Variants in UCHL1 observed in about 807,000 individuals in gnomAD.
UCHL1 encodes ubiquitin carboxyl-terminal hydrolase isozyme L1.
A neutral mutation model predicts 33.3 loss-of-function variants in UCHL1; 5 were observed. That is an observed-to-expected ratio of 0.15 (90% CI 0.08 to 0.32). UCHL1 has a LOEUF of 0.32. UCHL1 is among the 10% of genes least tolerant of loss of function. The probability of loss-of-function intolerance (pLI) is 1.00; values close to 1 mark genes in which losing one functional copy is unlikely to be tolerated. For missense variants in UCHL1, 236 were observed against 280.0 expected (o/e 0.84, Z 1.12); for synonymous variants, 132 against 108.8 (o/e 1.21, Z -1.33).
chr4:41,263,775 TCCTCCTCTCG>T (rs1035247365), intron 7 of UCHL1, among the ~76,000 whole-genome samples: 6 of 152,170 alleles, frequency 3.9e-5, no homozygotes, highest in Admixed American at 3.9e-4. Flanking sequence ...CTCAGGCGTC[TCCTCCTCTCG>T]CCTCCATCTT....
chr4:41,263,125 C>T lies in UCHL1; in HGVS notation c.460-100C>T, dbSNP rs976655755. On this transcript the variant is annotated intron_variant, in intron 6 of 8. Transcript: ENST00000284440. ...ATACATTAAATATTAGCTATAATTTCTAAAAATCAAGTCAGTTCAAGCACA... is the reference window on the plus strand; with the variant it reads ...ATACATTAAATATTAGCTATAATTTTTAAAAATCAAGTCAGTTCAAGCACA... 9.8e-6 allele frequency: 9 copies of T among 915,112 alleles called. No homozygotes were observed. In the African/African-American group the frequency reaches 1.1e-4, roughly 12 times the overall value. The allele number at this position is 915,112 out of a possible 1,614,324, so 56.7% of individuals were successfully genotyped here.
intron 2 of UCHL1, 153 bp downstream of exon 2, chr4:41,257,279 C>T (rs1780992200): frequency 2.4e-6 from 3 of 1,260,216 alleles, no homozygotes; most frequent in Non-Finnish European, 3.2e-6. Context: ...CTTTCCTGGG[C>T]CCCTGCATTT....
rs780627453 is a variant in UCHL1, at chr4:41,260,715, C to T, written c.243C>T (p.Phe81=). 16 of 1,614,222 alleles carry T rather than the reference C, an allele frequency of 9.9e-6. No individual in the cohort carries two copies. Among genetic ancestry groups the T allele is most frequent in the Non-Finnish European group, 1.3e-5 (15 of 1,180,032 alleles). Residue 81 remains phenylalanine, a synonymous_variant, in exon 4 of 9, where the codon TTC becomes TTT. Coordinates refer to ENST00000284440, the MANE Select transcript of UCHL1 (RefSeq NM_004181.5). Reference sequence around the variant, plus strand: ...AAGAAGTTAGTCCTAAAGTGTACTTCATGAAGCAGACCATTGGGAATTCCT... The same window carrying T: ...AAGAAGTTAGTCCTAAAGTGTACTTTATGAAGCAGACCATTGGGAATTCCT... ...KGQEVSPKVY[F]MKQTIGNSCG... is the part of the protein sequence containing the mutation.
At chr4:41,264,495 A>G (rs1051298507) in intron 8 of UCHL1, 1 of 398,922 alleles carries the variant, frequency 2.5e-6, no homozygotes, top group Non-Finnish European at 4.7e-6. Context: ...AAAGACTCAC[A>G]AAACAGCAGC....
intron 3 of UCHL1, among the ~76,000 whole-genome samples, chr4:41,259,817 A>G (rs544060682): frequency 6.6e-6 from 1 of 152,342 alleles, no homozygotes; most frequent in African/African-American, 2.4e-5. Context: ...GGTGCAAGCC[A>G]CTGACCCTGG....
At chr4:41,257,569 G>A (rs372937139) in intron 2 of UCHL1, 40 bp from the exon 3 acceptor site, 2 of 1,478,618 alleles carry the variant, frequency 1.4e-6, no homozygotes, top group Admixed American at 2.3e-5. Flanking sequence ...CGCGACCCGC[G>A]TGTCCCCGTG....
chr4:41,259,066 A>G (rs1781029447), intron 3 of UCHL1, among the ~76,000 whole-genome samples: 1 of 152,222 alleles, frequency 6.6e-6, no homozygotes, highest in Admixed American at 6.5e-5. Context: ...CTTTTGCTGA[A>G]TCTTGTTTAG....
rs367935445 is a variant in UCHL1 at position 41,256,960 on chromosome 4, C to G, written c.-17C>G. On this transcript the variant is annotated 5_prime_UTR_variant, in exon 1 of 9. Transcript: ENST00000284440. ...TTTCGTCTTCCCTAGGCTATTTCTG[C>G]CGGGCGCTCCGCGAAGATGCAGCTC... The G allele has an allele frequency of 5.6e-6, 9 of 1,614,140 alleles. No homozygotes were observed. In the East Asian group the frequency reaches 1.8e-4, roughly 32 times the overall value.
Position 41,261,721 on chromosome 4 carries a change from G to A in UCHL1, c.332G>A (p.Gly111Glu). Residue 111 changes from glycine (G) to glutamate (E), a missense_variant, in exon 5 of 9, where the codon GGA becomes GAA. Physicochemically the swap from Gly to Glu is moderately conservative, Grantham distance 98 (BLOSUM62 -2). Coordinates refer to ENST00000284440, the MANE Select transcript of UCHL1 (RefSeq NM_004181.5). The stretch of plus-strand genomic sequence containing the variant: ...CATCCATTTTTTTTTTAAGAGGATG[G>A]ATCAGTTCTGAAACAGTTTCTTTCT... ...NNQDKLGFED[G>E]SVLKQFLSET... 6.2e-7 allele frequency: 1 copy of A among 1,612,098 alleles called. No individual in the cohort carries two copies.
chr4:41,260,849 A>G (rs1212644945), intron 4 of UCHL1, 52 bp downstream of exon 4: 7 of 1,613,556 alleles, frequency 4.3e-6, no homozygotes, highest in Non-Finnish European at 5.1e-6. Flanking sequence ...TGAAACATGG[A>G]GTTCAGAAAC....
intron 3 of UCHL1, 99 bp from the exon 4 acceptor site, chr4:41,260,548 A>G: frequency 2.8e-6 from 4 of 1,432,412 alleles, no homozygotes; most frequent in Non-Finnish European, 3.9e-6. Context: ...CTGGTCACAC[A>G]TCCCACTGGT....
At chr4:41,257,778 C>G (rs1289082448) in intron 3 of UCHL1, 41 bp downstream of exon 3, 1 of 1,539,034 alleles carries the variant, frequency 6.5e-7, no homozygotes, top group Non-Finnish European at 8.7e-7. Context: ...GCCGGCAGTG[C>G]ACGCCGCTCC....
Position 41,266,356 on chromosome 4 carries a change from T to C in UCHL1, c.586-1631T>C, listed in dbSNP as rs1781154227. Among the ~76,000 whole-genome samples, 4 of 152,082 alleles carry C rather than the reference T, an allele frequency of 2.6e-5. No individual in the cohort carries two copies. In the South Asian group the frequency reaches 8.3e-4, roughly 31 times the overall value. Reference sequence around the variant, plus strand: ...AAGGCTGGTTCTATATGGTTAAGGATGTTTTAGGTTGTCTAAATGTCACAC... The same window carrying C: ...AAGGCTGGTTCTATATGGTTAAGGACGTTTTAGGTTGTCTAAATGTCACAC... On this transcript the variant is annotated intron_variant, in intron 8 of 8. Transcript: ENST00000284440.
In UCHL1 at chr4:41,268,131, A is replaced by AC. The variant is rs760542056; in HGVS notation, c.*65dup. ...TCTTCCCTTCAACATGAAAATATAT[A>AC]CCCCCCCATGCAGTCTAAAATGCTT... On this transcript the variant is annotated 3_prime_UTR_variant, in exon 9 of 9. Coordinates refer to ENST00000284440, the MANE Select transcript of UCHL1 (RefSeq NM_004181.5). 3.0e-5 allele frequency: 44 copies of AC among 1,482,416 alleles called. No individual in the cohort carries two copies. Among genetic ancestry groups the AC allele is most frequent in the East Asian group, 1.1e-4 (5 of 43,620 alleles). The allele number at this position is 1,482,416 out of a possible 1,614,324, so 91.8% of individuals were successfully genotyped here.
intron 7 of UCHL1, 124 bp downstream of exon 7, chr4:41,263,415 C>G (rs1000356470): frequency 1.3e-5 from 13 of 996,072 alleles, no homozygotes; most frequent in Middle Eastern, 4.2e-4. Flanking sequence ...GCCACAATAA[C>G]AAAGTATTCT....
At chr4:41,262,035 A>C in intron 6 of UCHL1, 112 bp downstream of exon 6, 2 of 1,432,286 alleles carry the variant, frequency 1.4e-6, no homozygotes, top group Non-Finnish European at 1.9e-6. Flanking sequence ...ACCCAAGGCC[A>C]AATGACACCA....
chr4:41,267,198 C>G (rs1353184971), intron 8 of UCHL1, among the ~76,000 whole-genome samples: 2 of 151,562 alleles, frequency 1.3e-5, no homozygotes, highest in South Asian at 4.2e-4. Flanking sequence ...CCATGCTTGT[C>G]TGTACCTAGA....
chr4:41,258,240 GTTC>G (rs1250226892), intron 3 of UCHL1, among the ~76,000 whole-genome samples: 1 of 152,178 alleles, frequency 6.6e-6, no homozygotes, highest in Non-Finnish European at 1.5e-5. Flanking sequence ...GTCTTAAGGG[GTTC>G]TTCTCTCTTC....
In UCHL1 at chr4:41,268,146, C is replaced by A; in HGVS notation, c.*73C>A. On this transcript the variant is annotated 3_prime_UTR_variant, in exon 9 of 9. Transcript: ENST00000284440. ...GAAAATATATACCCCCCCATGCAGT[C>A]TAAAATGCTTCAGTACTTGTGAAAC... 1 of 1,385,900 alleles carries A rather than the reference C, an allele frequency of 7.2e-7. No homozygotes were observed. The highest frequency in any genetic ancestry group is 1.0e-6 in the Non-Finnish European group (1 of 989,632). 85.9% of individuals were successfully genotyped at this position (1,385,900 alleles called of 1,614,324 possible). A position where few individuals can be genotyped will look rare whatever the true frequency, so the allele number is the denominator to read the frequency against.
Sources: gnomAD v4.1 joint callset for allele counts (sites outside exome capture counted in the v4.1 genomes callset) on GRCh38, gnomAD v4.1.1 for gene constraint, MANE v1.5 for transcripts, NCBI Gene and HGNC (gene_info 2026-07-23, HGNC 2026-07-21) for gene names.